LHFPL2: variants seen among roughly 807,000 people sequenced by gnomAD.
LHFPL2 encodes LHFPL tetraspan subfamily member 2.
In LHFPL2, 7 loss-of-function variants were observed where a neutral mutation model predicts 17.5. The observed-to-expected ratio is 0.40, with a 90% CI of 0.23 to 0.75. The LOEUF (loss-of-function observed/expected upper bound fraction) is 0.75, where lower values mean the gene tolerates loss of function less well. Ranked by LOEUF, LHFPL2 falls within the 30% of genes least tolerant of loss-of-function variation. The pLI is 0.37. For missense variants in LHFPL2, 241 were observed against 294.8 expected, an observed-to-expected ratio of 0.82 and a Z score of 1.34; for synonymous variants, 134 against 116.2, an observed-to-expected ratio of 1.15 and a Z score of -0.99.
chr5:78,527,365 T>TG (rs1554053271), intron 3 of LHFPL2, among the ~76,000 whole-genome samples: 1 of 140,416 alleles, frequency 7.1e-6, no homozygotes, highest in Non-Finnish European at 1.5e-5. Flanking sequence ...GATGAGGAGT[T>TG]TTTTTTTTTT....
intron 3 of LHFPL2, among the ~76,000 whole-genome samples, chr5:78,531,000 C>A (rs1397356761): frequency 6.6e-6 from 1 of 152,210 alleles, no homozygotes; most frequent in Non-Finnish European, 1.5e-5. Flanking sequence ...ATTAACAGAA[C>A]CTATGGCCAG....
chr5:78,523,439 G>C (rs1307734606), intron 3 of LHFPL2, among the ~76,000 whole-genome samples: 1 of 152,134 alleles, frequency 6.6e-6, no homozygotes, highest in African/African-American at 2.4e-5. Flanking sequence ...CCCACAGTGA[G>C]GGGGTAGAAG....
intron 4 of LHFPL2, among the ~76,000 whole-genome samples, chr5:78,489,896 T>C (rs900872447): frequency 4.3e-5 from 6 of 138,162 alleles, no homozygotes; most frequent in Non-Finnish European, 9.5e-5. Flanking sequence ...TCTGGCTTTC[T>C]GCAGAAAGAG....
chr5:78,635,067 G>C lies in LHFPL2; in HGVS notation c.-349-2699C>G, dbSNP rs114944445. 3.0e-3 allele frequency among the ~76,000 whole-genome samples: 451 copies of C among 152,294 alleles called. 3 individuals carry two copies. Among genetic ancestry groups the C allele is most frequent in the African/African-American group, 0.01 (434 of 41,546 alleles). ...CCCAGAGTTCTGGTCCCTCGGGAGT[G>C]CTTCTGTGTAAGTCCTCTGTCGGTT... is the stretch of plus-strand genomic sequence containing the variant. On this transcript the variant is annotated intron_variant, in intron 1 of 4. Transcript: ENST00000380345.
At chr5:78,504,212 G>A (rs1754863639) in intron 4 of LHFPL2, among the ~76,000 whole-genome samples, 1 of 152,158 alleles carries the variant, frequency 6.6e-6, no homozygotes, top group Non-Finnish European at 1.5e-5. Flanking sequence ...GTGCTCACCA[G>A]GAACAAAAGG....
intron 3 of LHFPL2, among the ~76,000 whole-genome samples, chr5:78,545,335 AT>A (rs1756240022): frequency 6.6e-6 from 1 of 152,154 alleles, no homozygotes; most frequent in Non-Finnish European, 1.5e-5. Context: ...CAAGAGTAGG[AT>A]TTCTCTGTGA....
chr5:78,593,602 G>A (rs1743722077), intron 2 of LHFPL2, among the ~76,000 whole-genome samples: 2 of 152,174 alleles, frequency 1.3e-5, no homozygotes, highest in Admixed American at 6.5e-5. Flanking sequence ...GGTAACAGGT[G>A]AGCGTACTAA....
At chr5:78,619,218 G>A in intron 2 of LHFPL2, among the ~76,000 whole-genome samples, 1 of 151,954 alleles carries the variant, frequency 6.6e-6, no homozygotes. Flanking sequence ...GTTATTAATG[G>A]GGTTTCTCCA....
intron 3 of LHFPL2, among the ~76,000 whole-genome samples, chr5:78,514,616 C>T (rs1755236592): frequency 6.6e-6 from 1 of 152,154 alleles, no homozygotes; most frequent in African/African-American, 2.4e-5. Flanking sequence ...GCCAGAACCA[C>T]CCAGTGCCCG....
intron 3 of LHFPL2, among the ~76,000 whole-genome samples, chr5:78,555,922 G>A (rs532499799): frequency 1.1e-3 from 162 of 152,334 alleles, no homozygotes; most frequent in African/African-American, 3.8e-3. Flanking sequence ...TGGGGTCCAT[G>A]AGCCAACATG....
intron 2 of LHFPL2, among the ~76,000 whole-genome samples, chr5:78,594,162 T>C (rs1490925160): frequency 2.0e-5 from 3 of 152,214 alleles, no homozygotes; most frequent in Non-Finnish European, 4.4e-5. Flanking sequence ...TTAGCCTTTA[T>C]GCAATCCTGC....
chr5:78,605,561 A>G (rs1369451466), intron 2 of LHFPL2, among the ~76,000 whole-genome samples: 2 of 152,206 alleles, frequency 1.3e-5, no homozygotes, highest in Non-Finnish European at 2.9e-5. Context: ...AACTGGATAG[A>G]ATGTACACAG....
chr5:78,559,991 C>T (rs1045040677), intron 3 of LHFPL2, among the ~76,000 whole-genome samples: 11 of 152,148 alleles, frequency 7.2e-5, no homozygotes, highest in African/African-American at 2.4e-4. Context: ...ACAACAATGG[C>T]GATGTATTTG....
At chr5:78,489,783 A>T (rs1580737096) in intron 4 of LHFPL2, among the ~76,000 whole-genome samples, 1 of 152,238 alleles carries the variant, frequency 6.6e-6, no homozygotes, top group Non-Finnish European at 1.5e-5. Context: ...CTTTATAAGT[A>T]AAGTTTTATT....
chr5:78,627,179 G>A (rs1745073876), intron 2 of LHFPL2, among the ~76,000 whole-genome samples: 2 of 152,202 alleles, frequency 1.3e-5, no homozygotes, highest in Non-Finnish European at 2.9e-5. Context: ...ACATGAGACA[G>A]TAAGGGTGTG....
rs529660639 is a variant in LHFPL2, at chr5:78,501,392, G to A, written c.430+8392C>T. 1.5e-4 allele frequency among the ~76,000 whole-genome samples: 23 copies of A among 152,272 alleles called. No individual in the cohort carries two copies. The South Asian group carries it at 2.9e-3, about 19-fold the overall frequency. On this transcript the variant is annotated intron_variant, in intron 4 of 4. Transcript: ENST00000380345. ...CTTAGCACAGAGTGGACCAGCACTC[G>A]TTCAAAGGAAGCAACTTCTGGCTGA...
At chr5:78,610,665 G>A (rs1044370728) in intron 2 of LHFPL2, among the ~76,000 whole-genome samples, 3 of 152,128 alleles carry the variant, frequency 2.0e-5, no homozygotes, top group South Asian at 4.1e-4. Flanking sequence ...CAGTAGTCCC[G>A]CTGGTACAGA....
intron 3 of LHFPL2, among the ~76,000 whole-genome samples, chr5:78,512,025 G>GT (rs1434020650): frequency 6.6e-6 from 1 of 152,114 alleles, no homozygotes; most frequent in African/African-American, 2.4e-5. Context: ...TCACCAGATT[G>GT]TTGCAAGGAA....
chr5:78,614,046 T>C (rs1371822168), intron 2 of LHFPL2, among the ~76,000 whole-genome samples: 2 of 152,194 alleles, frequency 1.3e-5, no homozygotes, highest in African/African-American at 4.8e-5. Flanking sequence ...CTACGGCAGC[T>C]GATGAACAGG....
Sources: allele counts gnomAD v4.1 joint callset (sites outside exome capture counted in the v4.1 genomes callset), GRCh38; gene constraint gnomAD v4.1.1; transcripts MANE v1.5; gene names NCBI Gene and HGNC (gene_info 2026-07-23, HGNC 2026-07-21).